KATNIP: variants seen among roughly 807,000 people sequenced by gnomAD.
KATNIP encodes the protein katanin interacting protein.
KATNIP carries 126 observed loss-of-function variants against 174.0 expected under a neutral mutation model. That is an observed-to-expected ratio of 0.72 (90% CI 0.63 to 0.84). KATNIP has a LOEUF of 0.84. Ranked by LOEUF, KATNIP falls within the 40% of genes least tolerant of loss-of-function variation. The probability of loss-of-function intolerance (pLI) is 0.00; values close to 1 mark genes in which losing one functional copy is unlikely to be tolerated. For synonymous variants in KATNIP, 810 were observed against 835.7 expected, an observed-to-expected ratio of 0.97 and a Z score of 0.53; for missense variants, 1,958 against 2,109.7, an observed-to-expected ratio of 0.93 and a Z score of 1.41.
At chr16:27,699,748 C>T (rs1567316003) in intron 10 of KATNIP, 149 bp downstream of exon 10, 1 of 1,006,004 alleles carries the variant, frequency 9.9e-7, no homozygotes, top group Non-Finnish European at 1.4e-6. Flanking sequence ...CCTACCAGGT[C>T]CTCACTGTGT....
Position 27,776,966 on chromosome 16 carries a change from C to A in KATNIP, c.4488C>A (p.Thr1496=). ...RVYVIFDLPT[T]VSMIKLWNYA... ...ATGTGATTTTCGATCTGCCTACCAC[C>A]GTGTCAATGATCAAACTGTGGAATT... Residue 1496 remains threonine, a synonymous_variant, in exon 25 of 28, where the codon ACC becomes ACA. Transcript: ENST00000261588. This position sits in a 1 kb window ranked among gnomAD's most constrained non-coding sequence, Gnocchi z 4.7. 1.9e-6 allele frequency: 3 copies of A among 1,613,852 alleles called. No individual in the cohort carries two copies. The highest frequency in any genetic ancestry group is 2.5e-6 in the Non-Finnish European group (3 of 1,179,730).
chr16:27,707,489 C>G (rs956721153), intron 12 of KATNIP, among the ~76,000 whole-genome samples: 1 of 152,204 alleles, frequency 6.6e-6, no homozygotes, highest in Non-Finnish European at 1.5e-5. Flanking sequence ...ATGATAGGGC[C>G]TTCTTAGGTA....
At position 27,751,703 on chromosome 16, in the gene KATNIP, C is replaced by T. The variant is rs1299248689; in HGVS notation, c.3347-16C>T. The T allele has an allele frequency of 6.2e-7, 1 of 1,613,316 alleles. No homozygotes were observed. The highest frequency in any genetic ancestry group is 1.1e-5 in the South Asian group (1 of 91,022). ...TGAAGTGAGTTGACCTTTCTGTCAT[C>T]TTGATAACCCATTAGCCCCAGAGCA... On this transcript the variant is annotated splice_polypyrimidine_tract_variant and intron_variant, in intron 16 of 27. Transcript: ENST00000261588.
intron 6 of KATNIP, among the ~76,000 whole-genome samples, chr16:27,660,670 T>C (rs1345755183): frequency 6.7e-6 from 1 of 149,734 alleles, no homozygotes; most frequent in Non-Finnish European, 1.5e-5. Flanking sequence ...GGGGTCTCAC[T>C]ACATTGCCCA....
Position 27,721,643 on chromosome 16 carries a change from G to A in KATNIP, c.1691G>A (p.Gly564Glu). 1 of 1,614,162 alleles carries A rather than the reference G, an allele frequency of 6.2e-7. No homozygotes were observed. The highest frequency in any genetic ancestry group is 1.1e-5 in the South Asian group (1 of 91,080). ...FFVIRNTRQL[G>E]DFHLAKIKVR... Reference sequence around the variant, plus strand: ...GTTATTCGAAACACAAGACAGCTGGGGGACTTCCATCTGGCCAAGATCAAG... The same window carrying A: ...GTTATTCGAAACACAAGACAGCTGGAGGACTTCCATCTGGCCAAGATCAAG... Residue 564 changes from glycine to glutamate, a missense_variant, in exon 14 of 28, where the codon GGG (glycine) becomes GAG (glutamate). By Grantham distance (98) the Gly-to-Glu change is moderately conservative. Coordinates refer to ENST00000261588, the MANE Select transcript of KATNIP (RefSeq NM_015202.5).
chr16:27,554,855 G>A (rs1424549145), intron 1 of KATNIP, among the ~76,000 whole-genome samples: 3 of 140,754 alleles, frequency 2.1e-5, no homozygotes, highest in East Asian at 2.1e-4. Flanking sequence ...GTACAGTGGC[G>A]TGATCTTGGC....
chr16:27,580,854 A>G (rs1217116198), intron 2 of KATNIP, among the ~76,000 whole-genome samples: 2 of 152,006 alleles, frequency 1.3e-5, no homozygotes, highest in African/African-American at 4.8e-5. Context: ...GGCCAAATAT[A>G]TTTCATTTTT....
chr16:27,760,949 G>C (rs777474376), intron 18 of KATNIP, among the ~76,000 whole-genome samples: 2 of 152,194 alleles, frequency 1.3e-5, no homozygotes, highest in African/African-American at 2.4e-5. Flanking sequence ...CTAGGGAGGG[G>C]TGACAGCACA....
chr16:27,688,082 C>T (rs113403870), intron 8 of KATNIP, among the ~76,000 whole-genome samples: 2 of 152,196 alleles, frequency 1.3e-5, no homozygotes, highest in African/African-American at 2.4e-5. Flanking sequence ...TTACACTTCT[C>T]TAGCCCAGTG....
chr16:27,681,354 T>G (rs2078331206), intron 7 of KATNIP, 45 bp from the exon 8 acceptor site: 1 of 1,610,254 alleles, frequency 6.2e-7, no homozygotes, highest in African/African-American at 1.3e-5. Context: ...AATGCCCAAC[T>G]TGCTTGCGCT....
intron 15 of KATNIP, among the ~76,000 whole-genome samples, chr16:27,745,736 C>T (rs1344339104): frequency 6.6e-6 from 1 of 152,202 alleles, no homozygotes; most frequent in Non-Finnish European, 1.5e-5. Flanking sequence ...AGCACCATCT[C>T]ATCACTGGGG....
chr16:27,670,010 T>G (rs527434937), intron 6 of KATNIP, among the ~76,000 whole-genome samples: 3 of 152,214 alleles, frequency 2.0e-5, no homozygotes, highest in Middle Eastern at 6.8e-3. Flanking sequence ...GCAAATACAA[T>G]CATGGCATTT....
At chr16:27,623,044 G>A (rs911889852) in intron 3 of KATNIP, among the ~76,000 whole-genome samples, 4 of 152,138 alleles carry the variant, frequency 2.6e-5, no homozygotes, top group Non-Finnish European at 5.9e-5. Flanking sequence ...GGGAGGAATG[G>A]CAGGCTTCTT....
In KATNIP at chr16:27,779,424, G is replaced by A. The variant is rs952138603; in HGVS notation, c.*795G>A. On this transcript the variant is annotated 3_prime_UTR_variant, in exon 28 of 28. Coordinates refer to ENST00000261588, the MANE Select transcript of KATNIP (RefSeq NM_015202.5). ...GGTGGCCAGCAGGCTGGCAGCTCCA[G>A]ACCCCAGAGGGCCAGAAGAACTCAC... 6.6e-6 allele frequency: 1 copy of A among 152,422 alleles called. No individual in the cohort carries two copies. The highest frequency in any genetic ancestry group is 1.5e-5 in the Non-Finnish European group (1 of 68,214). The allele number at this position is 152,422 out of a possible 1,614,324, so 9.4% of individuals were successfully genotyped here. A position where few individuals can be genotyped will look rare whatever the true frequency, so the allele number is the denominator to read the frequency against.
chr16:27,662,425 C>A (rs940306257), intron 6 of KATNIP, among the ~76,000 whole-genome samples: 5 of 151,972 alleles, frequency 3.3e-5, no homozygotes, highest in Non-Finnish European at 7.4e-5. Context: ...CATCAAAGGC[C>A]CCCAGGGATG....
At chr16:27,682,467 T>C (rs2078381308) in intron 8 of KATNIP, among the ~76,000 whole-genome samples, 1 of 152,122 alleles carries the variant, frequency 6.6e-6, no homozygotes, top group Non-Finnish European at 1.5e-5. Context: ...GCCTGGCCTA[T>C]AGGGAGCTGG....
chr16:27,631,277 T>G (rs2076480950), intron 5 of KATNIP, 115 bp downstream of exon 5: 1 of 763,928 alleles, frequency 1.3e-6, no homozygotes, highest in African/African-American at 1.7e-5. Flanking sequence ...AGTGGCTCCT[T>G]TATGCAATCC....
chr16:27,642,771 T>A lies in KATNIP; in HGVS notation c.409-5833T>A, dbSNP rs1015276260. On this transcript the variant is annotated intron_variant, in intron 5 of 27. Coordinates refer to ENST00000261588, the MANE Select transcript of KATNIP (RefSeq NM_015202.5). ...CATTGTTTTTTAATTTTTAAAAAAT[T>A]TTTTTTTTTTTTTTTTTGTGGAGAC... 0.017 allele frequency among the ~76,000 whole-genome samples: 759 copies of A among 43,966 alleles called. 6 individuals carry two copies. In the East Asian group the frequency reaches 0.25, roughly 14 times the overall value. 28.8% of individuals were successfully genotyped at this position (43,966 alleles called of 152,430 possible). A position where few individuals can be genotyped will look rare whatever the true frequency, so the allele number is the denominator to read the frequency against.
chr16:27,694,750 T>A (rs1014980303), intron 8 of KATNIP, among the ~76,000 whole-genome samples: 1 of 152,008 alleles, frequency 6.6e-6, no homozygotes, highest in Non-Finnish European at 1.5e-5. Flanking sequence ...GAGCCGAGAT[T>A]GTGCCACTGC....
Sources: gnomAD v4.1 joint callset for allele counts (sites outside exome capture counted in the v4.1 genomes callset) on GRCh38, gnomAD v4.1.1 for gene constraint, Gnocchi (gnomAD v3.1) non-coding constraint, MANE v1.5 for transcripts, NCBI Gene and HGNC (gene_info 2026-07-23, HGNC 2026-07-21) for gene names.